EPRS1: variants seen among roughly 807,000 people sequenced by gnomAD.
EPRS1 encodes glutamyl-prolyl-tRNA synthetase 1, also known as bifunctional glutamate/proline--tRNA ligase.
Under a neutral mutation model 188.3 loss-of-function variants are expected in EPRS1, and 107 were observed. The observed-to-expected ratio is 0.57, with a 90% confidence interval of 0.49 to 0.67. EPRS1 has a LOEUF of 0.67. EPRS1 is among the 30% of genes least tolerant of loss of function. The probability of loss-of-function intolerance (pLI) is 0.00; values close to 1 mark genes in which losing one functional copy is unlikely to be tolerated. For synonymous variants in EPRS1, 596 were observed against 593.1 expected (o/e 1.00, Z -0.07); for missense variants, 1,577 against 1,802.2 (o/e 0.88, Z 2.26).
At chr1:219,975,447 T>TGTC (rs892259317) in intron 28 of EPRS1, among the ~76,000 whole-genome samples, 20 of 151,524 alleles carry the variant, frequency 1.3e-4, no homozygotes, top group Non-Finnish European at 2.7e-4. Flanking sequence ...TTGTTGTTGT[T>TGTC]TTTCTTGAGA....
chr1:220,042,059 T>C (rs10863527), intron 1 of EPRS1, among the ~76,000 whole-genome samples: 95,132 of 151,462 alleles, frequency 0.63, 31,743 homozygotes, highest in Non-Finnish European at 0.75. Flanking sequence ...CACAGGCCTG[T>C]AGTCCCAGCT....
rs749742868 is a variant in EPRS1, at chr1:220,006,299, T to C, written c.1757A>G (p.Lys586Arg). The change falls in exon 15 of 32, where the codon AAA (lysine) becomes AGA (arginine). Residue 586 changes from lysine to arginine, a missense_variant. By Grantham distance (26) the Lys-to-Arg change is conservative (BLOSUM62 2). Around this residue, in one of 3 missense-constraint regions of EPRS1, gnomAD observed 1,278 missense variants for 1,457.4 expected, o/e 0.88. Transcript: ENST00000366923. ...CAACTTTGCATCAAGAGATATGATT[T>C]TTCCATCTGCATTTCTAGATATAAG... Reference protein sequence around the residue: ...ITKIHKNADGKIISLDAKLNL... With the variant: ...ITKIHKNADGRIISLDAKLNL... 1.3e-6 allele frequency: 2 copies of C among 1,550,394 alleles called. No individual in the cohort carries two copies. Among genetic ancestry groups the C allele is most frequent in the Non-Finnish European group, 1.8e-6 (2 of 1,141,450 alleles).
At chr1:220,003,308 C>A (rs1422673934) in intron 16 of EPRS1, among the ~76,000 whole-genome samples, 1 of 152,162 alleles carries the variant, frequency 6.6e-6, no homozygotes, top group Non-Finnish European at 1.5e-5. Context: ...ATTGGGTTCT[C>A]TTCTGGATAC....
intron 12 of EPRS1, among the ~76,000 whole-genome samples, chr1:220,016,599 T>TTTTTGG (rs1661719531): frequency 1.4e-5 from 2 of 142,558 alleles, no homozygotes; most frequent in African/African-American, 2.7e-5. Flanking sequence ...TTTTTTTTTT[T>TTTTTGG]GGAGAGATGG....
At chr1:219,971,807 C>CACACATACACAA (rs1401951191) in intron 30 of EPRS1, among the ~76,000 whole-genome samples, 1 of 61,048 alleles carries the variant, frequency 1.6e-5, no homozygotes. Flanking sequence ...CATATACACA[C>CACACATACACAA]ACACTATATT....
intron 8 of EPRS1, 96 bp downstream of exon 8, chr1:220,024,168 C>CA (rs1255051371): frequency 6.9e-6 from 6 of 867,134 alleles, no homozygotes; most frequent in South Asian, 2.2e-5. Context: ...AACAAACAAA[C>CA]AAAAAAACTA....
intron 18 of EPRS1, among the ~76,000 whole-genome samples, chr1:219,995,946 A>G (rs531277748): frequency 5.4e-4 from 82 of 152,198 alleles, no homozygotes; most frequent in South Asian, 1.7e-3. Context: ...AGTCAAGCCT[A>G]GTGGTGTACC....
At chr1:219,984,910 C>T (rs535223869) in intron 20 of EPRS1, among the ~76,000 whole-genome samples, 5 of 152,078 alleles carry the variant, frequency 3.3e-5, no homozygotes, top group Non-Finnish European at 5.9e-5. Context: ...CGTGGTGGCG[C>T]ATGCTTGTAA....
intron 12 of EPRS1, among the ~76,000 whole-genome samples, chr1:220,011,769 CT>C (rs1303271027): frequency 1.3e-5 from 2 of 152,196 alleles, no homozygotes; most frequent in African/African-American, 2.4e-5. Context: ...GTAGCATCCC[CT>C]TCTGGAGCTG....
chr1:220,041,265 A>T (rs188948753), intron 1 of EPRS1, among the ~76,000 whole-genome samples: 1 of 151,946 alleles, frequency 6.6e-6, no homozygotes, highest in African/African-American at 2.4e-5. Flanking sequence ...CTGGGAAGTC[A>T]TGGCCGCAGT....
chr1:219,981,528 C>A, intron 23 of EPRS1, 71 bp from the exon 24 acceptor site: 14 of 798,176 alleles, frequency 1.8e-5, no homozygotes, highest in Middle Eastern at 2.4e-4. Context: ...AACAGCTAAA[C>A]CAGCAAGATA....
At chr1:220,017,467 TCTA>T (rs1377229980) in intron 12 of EPRS1, among the ~76,000 whole-genome samples, 1 of 152,222 alleles carries the variant, frequency 6.6e-6, no homozygotes, top group South Asian at 2.1e-4. Flanking sequence ...GCCAGCAAAT[TCTA>T]CTCATATTTA....
intron 18 of EPRS1, among the ~76,000 whole-genome samples, chr1:219,994,204 GT>G (rs1307609276): frequency 6.6e-6 from 1 of 152,172 alleles, no homozygotes; most frequent in African/African-American, 2.4e-5. Flanking sequence ...GGGAACTCCA[GT>G]TTCATTCCAC....
chr1:220,038,123 C>T (rs1662222864), intron 2 of EPRS1, among the ~76,000 whole-genome samples: 1 of 142,098 alleles, frequency 7.0e-6, no homozygotes, highest in East Asian at 2.0e-4. Context: ...ACTATTGTTG[C>T]CCAGGCTAGA....
intron 20 of EPRS1, among the ~76,000 whole-genome samples, chr1:219,984,848 G>A (rs1436218199): frequency 6.6e-6 from 1 of 152,140 alleles, no homozygotes; most frequent in African/African-American, 2.4e-5. Context: ...TTTGAGACCA[G>A]CCTGACCAAC....
At chr1:220,002,705 C>T (rs1382826604) in intron 16 of EPRS1, among the ~76,000 whole-genome samples, 1 of 151,930 alleles carries the variant, frequency 6.6e-6, no homozygotes, top group Non-Finnish European at 1.5e-5. Flanking sequence ...ACAAAAAATA[C>T]ACAAACTAGA....
chr1:219,979,497 G>A lies in EPRS1; in HGVS notation c.3830C>T (p.Thr1277Ile), dbSNP rs1464122228. ...FAYQNSWGLT[T>I]RTIGVMTMVH... Reference sequence around the variant, plus strand: ...CATGGTCATAACACCAATAGTTCGAGTTGTCAGGCCCCAGGAGTTTTGATA... The same window carrying A: ...CATGGTCATAACACCAATAGTTCGAATTGTCAGGCCCCAGGAGTTTTGATA... The change falls in exon 27 of 32, where the codon ACT (threonine) becomes ATT (isoleucine). Residue 1277 changes from threonine (T) to isoleucine (I), a missense_variant. Physicochemically the swap from Thr to Ile is moderately conservative, Grantham distance 89. Coordinates refer to ENST00000366923, the MANE Select transcript of EPRS1 (RefSeq NM_004446.3). The A allele has an allele frequency of 5.0e-6, 8 of 1,614,038 alleles. No individual in the cohort carries two copies. The South Asian group carries it at 7.7e-5, about 16-fold the overall frequency.
At chr1:219,990,620 C>T (rs992083977) in intron 18 of EPRS1, among the ~76,000 whole-genome samples, 4 of 152,066 alleles carry the variant, frequency 2.6e-5, no homozygotes, top group South Asian at 2.1e-4. Context: ...TTGACCACTA[C>T]GGTTTGCTAA....
Position 220,040,120 on chromosome 1 carries a change from TAA to T in EPRS1, c.131+63_131+64del, listed in dbSNP as rs1020881188. Reference sequence around the variant, plus strand: ...GGGCAAAAGAGGGAGACTCTGTCTCTAAAAAAACTCTAAAAAAAAGAAAAAGC... The same window carrying T: ...GGGCAAAAGAGGGAGACTCTGTCTCTAAAAACTCTAAAAAAAAGAAAAAGC... On this transcript the variant is annotated intron_variant, in intron 2 of 31. Coordinates refer to ENST00000366923, the MANE Select transcript of EPRS1 (RefSeq NM_004446.3). The T allele has an allele frequency of 3.7e-6, 4 of 1,081,812 alleles. No homozygotes were observed. In the Admixed American group the frequency reaches 6.2e-5, roughly 17 times the overall value. The allele number at this position is 1,081,812 out of a possible 1,614,324, so 67.0% of individuals were successfully genotyped here. A position where few individuals can be genotyped will look rare whatever the true frequency, so the allele number is the denominator to read the frequency against.
Sources: gnomAD v4.1 joint callset for allele counts (sites outside exome capture counted in the v4.1 genomes callset) on GRCh38, gnomAD v4.1.1 for gene constraint, gnomAD v4.1.1 regional missense constraint, MANE v1.5 for transcripts, NCBI Gene and HGNC (gene_info 2026-07-23, HGNC 2026-07-21) for gene names.